KCTD9: variants seen among roughly 807,000 people sequenced by gnomAD.
The protein encoded by KCTD9 is potassium channel tetramerization domain containing 9.
Under a neutral mutation model 53.3 loss-of-function variants are expected in KCTD9, and 17 were observed. That is an observed-to-expected ratio of 0.32 (90% CI 0.22 to 0.48). The LOEUF is 0.48. Among genes scored for constraint, KCTD9 ranks in the 20% least tolerant of loss-of-function variants. The probability of loss-of-function intolerance (pLI) is 0.99; values close to 1 mark genes in which losing one functional copy is unlikely to be tolerated. For missense variants in KCTD9, 179 were observed against 465.5 expected (o/e 0.38, Z 5.66); for synonymous variants, 128 against 162.7 (o/e 0.79, Z 1.62).
At chr8:25,454,083 C>T (rs1482149920) in intron 1 of KCTD9, among the ~76,000 whole-genome samples, 2 of 152,132 alleles carry the variant, frequency 1.3e-5, no homozygotes, top group African/African-American at 2.4e-5. Flanking sequence ...GATGGGATCT[C>T]ACTATGTTGC....
At chr8:25,444,006 CA>C (rs1802168812) in intron 3 of KCTD9, among the ~76,000 whole-genome samples, 1 of 152,014 alleles carries the variant, frequency 6.6e-6, no homozygotes, top group African/African-American at 2.4e-5. Flanking sequence ...TCAAACAAAA[CA>C]ATTGTTTCTA....
At chr8:25,435,816 C>T (rs1250119108) in intron 8 of KCTD9, among the ~76,000 whole-genome samples, 1 of 152,020 alleles carries the variant, frequency 6.6e-6, no homozygotes, top group East Asian at 1.9e-4. Flanking sequence ...AGTATTTAAA[C>T]CTAATTATAT....
At chr8:25,454,370 T>C (rs748611697) in intron 1 of KCTD9, among the ~76,000 whole-genome samples, 8 of 152,346 alleles carry the variant, frequency 5.3e-5, no homozygotes, top group Non-Finnish European at 1.2e-4. Context: ...GATGAATTAA[T>C]CAGTATACAA....
intron 1 of KCTD9, among the ~76,000 whole-genome samples, chr8:25,454,863 C>G (rs1802401789): frequency 6.6e-6 from 1 of 152,202 alleles, no homozygotes; most frequent in South Asian, 2.1e-4. Context: ...TATGAATTAG[C>G]CACTAAGAAT....
chr8:25,448,415 A>G (rs1273468912), intron 1 of KCTD9, among the ~76,000 whole-genome samples: 1 of 152,232 alleles, frequency 6.6e-6, no homozygotes, highest in Non-Finnish European at 1.5e-5. Context: ...AATGGTTACA[A>G]TTTCTGTTTG....
chr8:25,439,688 G>C, intron 4 of KCTD9, 24 bp from the exon 5 acceptor site: 1 of 1,613,188 alleles, frequency 6.2e-7, no homozygotes, highest in Non-Finnish European at 8.5e-7. Context: ...GAAAAAAATT[G>C]ATTTCTCCAT....
chr8:25,431,756 A>G (rs1293140078), intron 11 of KCTD9, among the ~76,000 whole-genome samples: 2 of 152,202 alleles, frequency 1.3e-5, no homozygotes, highest in African/African-American at 4.8e-5. Context: ...AGCTATCAAG[A>G]TATCTAGGCA....
At chr8:25,434,584 G>A (rs2117392139) in intron 9 of KCTD9, among the ~76,000 whole-genome samples, 1 of 152,168 alleles carries the variant, frequency 6.6e-6, no homozygotes, top group South Asian at 2.1e-4. Flanking sequence ...ACAGAATAAA[G>A]GACAGTGAAA....
intron 3 of KCTD9, among the ~76,000 whole-genome samples, chr8:25,441,518 G>T (rs1802122173): frequency 6.6e-6 from 1 of 151,950 alleles, no homozygotes; most frequent in East Asian, 1.9e-4. Flanking sequence ...TTTATACAAG[G>T]TATAAAACAA....
chr8:25,439,030 C>T (rs536126362), intron 6 of KCTD9, among the ~76,000 whole-genome samples: 13 of 152,164 alleles, frequency 8.5e-5, no homozygotes, highest in Middle Eastern at 3.2e-3. Context: ...AAAGTTGATG[C>T]GTATGGCTTA....
At chr8:25,431,220 T>A (rs1224648489) in intron 11 of KCTD9, among the ~76,000 whole-genome samples, 1 of 152,182 alleles carries the variant, frequency 6.6e-6, no homozygotes, top group East Asian at 1.9e-4. Context: ...ACTTTTTTTT[T>A]AATCTGAAAA....
At chr8:25,437,847 CAAAAAAAAAAAAAAAAAAA>C (rs59540797) in intron 6 of KCTD9, among the ~76,000 whole-genome samples, 19 of 62,540 alleles carry the variant, frequency 3.0e-4, no homozygotes, top group African/African-American at 1.1e-3. Context: ...GACCCTGTCT[CAAAAAAAAAAAAAAAAAAA>C]AAAAAAAAAA....
chr8:25,455,432 T>C (rs541318721), intron 1 of KCTD9, among the ~76,000 whole-genome samples: 2 of 152,268 alleles, frequency 1.3e-5, no homozygotes, highest in East Asian at 3.9e-4. Context: ...TGATTATTAA[T>C]AGCAATTAAT....
In KCTD9 at chr8:25,429,781, A is replaced by G; in HGVS notation, c.*76T>C. ...CTTACAGTGTTATTTCTTCTAGACA[A>G]CTGAGTGGGTGGAGAAAGAAAAGTG... is the stretch of plus-strand genomic sequence containing the variant. On this transcript the variant is annotated 3_prime_UTR_variant, in exon 12 of 12. Transcript: ENST00000221200. 1 of 772,190 alleles carries G rather than the reference A, an allele frequency of 1.3e-6. No homozygotes were observed. The highest frequency in any genetic ancestry group is 1.5e-5 in the South Asian group (1 of 68,810). The allele number at this position is 772,190 out of a possible 1,614,324, so 47.8% of individuals were successfully genotyped here.
chr8:25,451,970 A>T (rs1384411553), intron 1 of KCTD9, among the ~76,000 whole-genome samples: 1 of 152,184 alleles, frequency 6.6e-6, no homozygotes, highest in Admixed American at 6.5e-5. Context: ...GTCTGCCTGG[A>T]TCCTAAAGGT....
intron 1 of KCTD9, among the ~76,000 whole-genome samples, chr8:25,456,124 C>G (rs1802429406): frequency 6.6e-6 from 1 of 152,234 alleles, no homozygotes; most frequent in Non-Finnish European, 1.5e-5. Flanking sequence ...CGCCCTTCCC[C>G]AGGCTTCATA....
chr8:25,430,099 C>T lies in KCTD9; in HGVS notation c.1054-126G>A, dbSNP rs562921806. On this transcript the variant is annotated intron_variant, in intron 11 of 11. Coordinates refer to ENST00000221200, the MANE Select transcript of KCTD9 (RefSeq NM_017634.4). ...TATACAATAAAACTCAGTTAATTTC[C>T]GGAAAACTGATGATACACCACCCTA... 176 of 663,164 alleles carry T rather than the reference C, an allele frequency of 2.7e-4. 1 individual carries two copies. The highest frequency in any genetic ancestry group is 5.6e-4 in the South Asian group (32 of 56,644). 41.1% of individuals were successfully genotyped at this position (663,164 alleles called of 1,614,324 possible).
intron 1 of KCTD9, among the ~76,000 whole-genome samples, chr8:25,449,818 C>CA (rs1344348739): frequency 1.4e-5 from 2 of 140,962 alleles, no homozygotes; most frequent in African/African-American, 2.6e-5. Flanking sequence ...TTTTAAAGAG[C>CA]AGAAAAAAAA....
chr8:25,440,185 A>G lies in KCTD9; in HGVS notation c.311+392T>C, dbSNP rs1201232806. ...GCCATTCTCCTGCCTCAGCCTCCCA[A>G]GTAGCTGGGACTACAGGCGCCCGCC... On this transcript the variant is annotated intron_variant, in intron 4 of 11. Coordinates refer to ENST00000221200, the MANE Select transcript of KCTD9 (RefSeq NM_017634.4). Among the ~76,000 whole-genome samples, 9 of 150,286 alleles carry G rather than the reference A, an allele frequency of 6.0e-5. No individual in the cohort carries two copies. The East Asian group carries it at 1.6e-3, about 26-fold the overall frequency.
Sources: gnomAD v4.1 joint callset for allele counts (sites outside exome capture counted in the v4.1 genomes callset) on GRCh38, gnomAD v4.1.1 for gene constraint, MANE v1.5 for transcripts, NCBI Gene and HGNC (gene_info 2026-07-23, HGNC 2026-07-21) for gene names.